The following RCAN1 variants were observed in gnomAD, a reference collection of about 807,000 sequenced individuals.
RCAN1 encodes the protein regulator of calcineurin 1, also known as calcipressin-1.
In RCAN1, 11 loss-of-function variants were observed where a neutral mutation model predicts 22.9. The ratio of observed to expected loss-of-function variants is 0.48; its 90% CI spans 0.30 to 0.79. The LOEUF is 0.79. Among genes scored for constraint, RCAN1 ranks in the 30% least tolerant of loss-of-function variants. The pLI is 0.06. For synonymous variants in RCAN1, 136 were observed against 142.3 expected (o/e 0.96, Z 0.32); for missense variants, 291 against 337.8 (o/e 0.86, Z 1.09).
chr21:34,594,499 C>T (rs1225639243), intron 1 of RCAN1, among the ~76,000 whole-genome samples: 1 of 152,152 alleles, frequency 6.6e-6, no homozygotes, highest in Non-Finnish European at 1.5e-5. Flanking sequence ...TTGCATTGAG[C>T]CAAGATCGCG....
At position 34,521,492 on chromosome 21, in the gene RCAN1, T is replaced by G. The variant is rs1439077390; in HGVS notation, c.586+7A>C. 3 of 1,614,020 alleles carry G rather than the reference T, an allele frequency of 1.9e-6. No homozygotes were observed. The highest frequency in any genetic ancestry group is 2.5e-6 in the Non-Finnish European group (3 of 1,180,018). On this transcript the variant is annotated splice_region_variant and intron_variant, in intron 3 of 3. Transcript: ENST00000313806. ...CTGCCTCCCTCCCACCCGAGGGCCC[T>G]GCTCACCTGGCCCCAGCTTGGAGAT...
At chr21:34,557,654 T>C (rs1410940233) in intron 1 of RCAN1, among the ~76,000 whole-genome samples, 4 of 152,174 alleles carry the variant, frequency 2.6e-5, no homozygotes, top group African/African-American at 4.8e-5. Context: ...TTTTTTAAAA[T>C]AGTAAACATC....
intron 1 of RCAN1, among the ~76,000 whole-genome samples, chr21:34,605,586 A>C (rs1988497817): frequency 6.6e-6 from 1 of 152,196 alleles, no homozygotes; most frequent in African/African-American, 2.4e-5. Context: ...GAGATGTGAA[A>C]GATATATGAA....
chr21:34,535,571 G>T (rs1421635191), intron 1 of RCAN1, among the ~76,000 whole-genome samples: 10 of 151,764 alleles, frequency 6.6e-5, no homozygotes, highest in Admixed American at 6.6e-4. Flanking sequence ...TTTTCTGTAA[G>T]AAAACACAAT....
intron 1 of RCAN1, among the ~76,000 whole-genome samples, chr21:34,603,263 C>CCCTCG (rs1988416620): frequency 6.6e-6 from 1 of 152,158 alleles, no homozygotes; most frequent in Non-Finnish European, 1.5e-5. Context: ...ATTGGACAGG[C>CCCTCG]CCTCGGTGCA....
At chr21:34,569,900 A>G (rs1956477211) in intron 1 of RCAN1, among the ~76,000 whole-genome samples, 1 of 152,242 alleles carries the variant, frequency 6.6e-6, no homozygotes, top group Admixed American at 6.5e-5. Context: ...CTTTGAATGC[A>G]GAGACCACAG....
intron 1 of RCAN1, among the ~76,000 whole-genome samples, chr21:34,560,889 G>A (rs1184097737): frequency 2.0e-5 from 3 of 152,168 alleles, no homozygotes; most frequent in Admixed American, 6.6e-5. Flanking sequence ...CTTACAAACT[G>A]ATGTGATTTG....
intron 1 of RCAN1, among the ~76,000 whole-genome samples, chr21:34,608,145 T>C (rs888145540): frequency 6.6e-6 from 1 of 152,142 alleles, no homozygotes; most frequent in African/African-American, 2.4e-5. Context: ...TTTTATTATA[T>C]AATAATAGAA....
intron 1 of RCAN1, among the ~76,000 whole-genome samples, chr21:34,546,847 A>C (rs1986164051): frequency 6.6e-6 from 1 of 152,250 alleles, no homozygotes. Flanking sequence ...GAAACAGGAA[A>C]AGTATAAGTA....
chr21:34,614,837 C>G lies in RCAN1; in HGVS notation c.175G>C (p.Val59Leu). 1 of 1,487,740 alleles carries G rather than the reference C, an allele frequency of 6.7e-7. No individual in the cohort carries two copies. The highest frequency in any genetic ancestry group is 2.9e-5 in the East Asian group (1 of 34,294). The allele number at this position is 1,487,740 out of a possible 1,614,324, so 92.2% of individuals were successfully genotyped here. The change falls in exon 1 of 4, where the codon GTG (valine) becomes CTG (leucine). Residue 59 changes from valine (V) to leucine (L), a missense_variant. Coordinates refer to ENST00000313806, the MANE Select transcript of RCAN1 (RefSeq NM_004414.7). The surrounding 1 kb of genome is among the most constrained non-coding windows in gnomAD (Gnocchi z 6.0). Reference protein sequence around the residue: ...WSFIDCEMEEVDLQDLPSATI... With the variant: ...WSFIDCEMEELDLQDLPSATI... ...GCGCTGGGCAGGTCCTGCAGGTCCA[C>G]CTCCTCCATCTCGCAGTCAATGAAG...
At chr21:34,530,626 T>G (rs1033521283) in intron 1 of RCAN1, among the ~76,000 whole-genome samples, 1 of 127,636 alleles carries the variant, frequency 7.8e-6, no homozygotes, top group African/African-American at 3.2e-5. Context: ...GTTTTTTTTT[T>G]TTTTTTTTTT....
At chr21:34,561,985 C>T (rs1310776855) in intron 1 of RCAN1, among the ~76,000 whole-genome samples, 1 of 152,196 alleles carries the variant, frequency 6.6e-6, no homozygotes, top group African/African-American at 2.4e-5. Context: ...GGTCATTTAT[C>T]ACTGCAGTGC....
In RCAN1 at chr21:34,614,549, T is replaced by C. The variant is rs1287245007; in HGVS notation, c.252+211A>G. ...GAGCCTGTGGGACTCTGCAGTGAGC[T>C]CCGCGCGCCCCGGGGGTGCTAGGGG... is the stretch of plus-strand genomic sequence containing the variant. On this transcript the variant is annotated intron_variant, in intron 1 of 3. Coordinates refer to ENST00000313806, the MANE Select transcript of RCAN1 (RefSeq NM_004414.7). This position sits in a 1 kb window ranked among gnomAD's most constrained non-coding sequence, Gnocchi z 6.0. The C allele has an allele frequency of 2.0e-6, 2 of 1,011,802 alleles. No homozygotes were observed. Among genetic ancestry groups the C allele is most frequent in the African/African-American group, 3.4e-5 (2 of 58,194 alleles). The allele number at this position is 1,011,802 out of a possible 1,614,324, so 62.7% of individuals were successfully genotyped here. A position where few individuals can be genotyped will look rare whatever the true frequency, so the allele number is the denominator to read the frequency against.
At chr21:34,539,998 C>T (rs1985846147) in intron 1 of RCAN1, among the ~76,000 whole-genome samples, 1 of 152,144 alleles carries the variant, frequency 6.6e-6, no homozygotes, top group Non-Finnish European at 1.5e-5. Context: ...TTGTCACTGC[C>T]ATGTCCCTAC....
chr21:34,530,012 C>G lies in RCAN1; in HGVS notation c.253-6302G>C, dbSNP rs529299916. Among the ~76,000 whole-genome samples the G allele has an allele frequency of 7.4e-4, 113 of 152,308 alleles. 1 individual carries two copies. In the Middle Eastern group the frequency reaches 0.01, roughly 14 times the overall value. ...CTCCCGCCGTGATTCTGAGGCCTCC[C>G]CAGCCATGTGGAACTGTAAGTCCAA... On this transcript the variant is annotated intron_variant, in intron 1 of 3. Transcript: ENST00000313806.
At chr21:34,578,383 T>C (rs767106453) in intron 1 of RCAN1, among the ~76,000 whole-genome samples, 2 of 151,884 alleles carry the variant, frequency 1.3e-5, no homozygotes, top group South Asian at 2.1e-4. Flanking sequence ...ATTGAGAAAC[T>C]TGAGGTCTCC....
At chr21:34,577,944 G>A (rs1369375766) in intron 1 of RCAN1, among the ~76,000 whole-genome samples, 3 of 152,156 alleles carry the variant, frequency 2.0e-5, no homozygotes, top group South Asian at 2.1e-4. Flanking sequence ...GCTCAGCTTC[G>A]GACACAGTGT....
At chr21:34,543,881 T>G (rs1986021738) in intron 1 of RCAN1, among the ~76,000 whole-genome samples, 2 of 152,244 alleles carry the variant, frequency 1.3e-5, no homozygotes. Flanking sequence ...ATGACCACAG[T>G]GGCACTGACA....
intron 1 of RCAN1, among the ~76,000 whole-genome samples, chr21:34,533,705 T>G (rs1985536701): frequency 6.6e-6 from 1 of 152,148 alleles, no homozygotes; most frequent in African/African-American, 2.4e-5. Context: ...TTAGACAGCC[T>G]TGAGTGTGGG....
Sources: allele counts gnomAD v4.1 joint callset (sites outside exome capture counted in the v4.1 genomes callset), GRCh38; gene constraint gnomAD v4.1.1; non-coding constraint Gnocchi (gnomAD v3.1); transcripts MANE v1.5; gene names NCBI Gene and HGNC (gene_info 2026-07-23, HGNC 2026-07-21).